The following IL1RAPL1 variants were observed in gnomAD, a reference collection of about 807,000 sequenced individuals.
IL1RAPL1 encodes interleukin-1 receptor accessory protein-like 1.
In IL1RAPL1, 3 loss-of-function variants were observed where a neutral mutation model predicts 48.4. The ratio of observed to expected loss-of-function variants is 0.06; its 90% CI spans 0.03 to 0.16. The LOEUF is 0.16. Among genes scored for constraint, IL1RAPL1 ranks in the 10% least tolerant of loss-of-function variants. The pLI is 1.00. For synonymous variants in IL1RAPL1, 185 were observed against 187.7 expected (o/e 0.99, Z 0.12); for missense variants, 349 against 530.6 (o/e 0.66, Z 3.36).
chrX:29,590,487 C>T (rs1449043895), intron 5 of IL1RAPL1, among the ~76,000 whole-genome samples: 1 of 111,917 alleles, frequency 8.9e-6, no homozygotes, highest in Non-Finnish European at 1.9e-5. Context: ...TCCTTGCACA[C>T]GTGGAAGGGA....
intron 2 of IL1RAPL1, among the ~76,000 whole-genome samples, chrX:29,088,283 C>T (rs1007297117): frequency 1.1e-4 from 12 of 112,021 alleles, no homozygotes; most frequent in African/African-American, 3.9e-4. Flanking sequence ...GTTCCATCTT[C>T]TCTTTGCTTT....
chrX:29,605,390 C>G (rs186539738), intron 5 of IL1RAPL1, among the ~76,000 whole-genome samples: 63 of 110,978 alleles, frequency 5.7e-4, no homozygotes, highest in Non-Finnish European at 5.1e-4. Context: ...CATAACTTAC[C>G]AATACATGGA....
chrX:29,834,612 A>G (rs969602051), intron 6 of IL1RAPL1, among the ~76,000 whole-genome samples: 6 of 106,937 alleles, frequency 5.6e-5, no homozygotes, highest in Non-Finnish European at 1.2e-4. Flanking sequence ...GTGCCCTCAT[A>G]TAATGTACTT....
chrX:28,669,503 C>T (rs776541806), intron 1 of IL1RAPL1, among the ~76,000 whole-genome samples: 42 of 108,089 alleles, frequency 3.9e-4, no homozygotes, highest in African/African-American at 1.3e-3. Flanking sequence ...CCTGTAATCC[C>T]GGCTACTCAG....
chrX:28,691,570 A>T (rs938472634), intron 1 of IL1RAPL1, among the ~76,000 whole-genome samples: 2 of 112,134 alleles, frequency 1.8e-5, no homozygotes, highest in Admixed American at 1.9e-4. Flanking sequence ...TGATTTTGCT[A>T]ACCATTATAT....
At chrX:29,457,154 A>G (rs1934748543) in intron 5 of IL1RAPL1, among the ~76,000 whole-genome samples, 1 of 106,328 alleles carries the variant, frequency 9.4e-6, no homozygotes, top group Admixed American at 1.0e-4. Flanking sequence ...AAAATGAAAT[A>G]GTAATGTATA....
chrX:29,939,376 C>A (rs912776522), intron 8 of IL1RAPL1, among the ~76,000 whole-genome samples: 1 of 111,896 alleles, frequency 8.9e-6, no homozygotes, highest in Admixed American at 9.5e-5. Flanking sequence ...TAAATCATAT[C>A]TTCCTGATGT....
intron 3 of IL1RAPL1, among the ~76,000 whole-genome samples, chrX:29,299,051 AG>A (rs1261964184): frequency 9.2e-6 from 1 of 109,153 alleles, no homozygotes; most frequent in Non-Finnish European, 1.9e-5. Flanking sequence ...TAGAATATAA[AG>A]CAGGCAGAAA....
intron 3 of IL1RAPL1, among the ~76,000 whole-genome samples, chrX:29,337,778 G>T (rs1933016526): frequency 9.0e-6 from 1 of 110,902 alleles, no homozygotes; most frequent in Non-Finnish European, 1.9e-5. Flanking sequence ...GGGTTTAAGT[G>T]ATTCTCCTGC....
chrX:29,243,849 T>C (rs1052805776), intron 2 of IL1RAPL1, among the ~76,000 whole-genome samples: 2 of 111,555 alleles, frequency 1.8e-5, no homozygotes, highest in Non-Finnish European at 3.8e-5. Context: ...CAGCTCTTTA[T>C]GCCTTTTGAG....
At chrX:29,510,688 C>G (rs1935384394) in intron 5 of IL1RAPL1, among the ~76,000 whole-genome samples, 1 of 111,694 alleles carries the variant, frequency 9.0e-6, no homozygotes, top group Non-Finnish European at 1.9e-5. Context: ...TCTATCTCTT[C>G]TAGATCACAA....
intron 6 of IL1RAPL1, among the ~76,000 whole-genome samples, chrX:29,803,382 CATGTATACACATATGTATATATGTGTAT>C (rs1458544572): frequency 4.0e-4 from 31 of 76,973 alleles, no homozygotes; most frequent in African/African-American, 1.3e-3. Context: ...TATATGTATA[CATGTATACACATATGTATATATGTGTAT>C]ATGTGTATAT....
chrX:29,949,410 G>A (rs189222670), intron 9 of IL1RAPL1, among the ~76,000 whole-genome samples: 1 of 111,667 alleles, frequency 9.0e-6, no homozygotes, highest in Admixed American at 9.5e-5. Flanking sequence ...CTTGTTTTTT[G>A]TTTGTTTGGT....
At chrX:29,406,861 C>G (rs1317378597) in intron 5 of IL1RAPL1, among the ~76,000 whole-genome samples, 1 of 111,906 alleles carries the variant, frequency 8.9e-6, no homozygotes, top group African/African-American at 3.2e-5. Context: ...CTGTCTTACA[C>G]TATAATAACT....
At chrX:28,981,252 C>G (rs1925333949) in intron 2 of IL1RAPL1, among the ~76,000 whole-genome samples, 1 of 108,542 alleles carries the variant, frequency 9.2e-6, no homozygotes, top group Non-Finnish European at 1.9e-5. Context: ...CATGCCATGT[C>G]CCTCAAAGGA....
intron 2 of IL1RAPL1, among the ~76,000 whole-genome samples, chrX:29,112,575 C>G (rs1188536980): frequency 9.2e-6 from 1 of 108,855 alleles, no homozygotes; most frequent in East Asian, 2.9e-4. Flanking sequence ...TCCTGTATCA[C>G]ATGTATTAGA....
intron 1 of IL1RAPL1, among the ~76,000 whole-genome samples, chrX:28,640,494 C>T (rs1283342446): frequency 9.2e-6 from 1 of 109,115 alleles, no homozygotes; most frequent in East Asian, 2.9e-4. Context: ...GACAGGTGTG[C>T]ACCACCACAC....
At chrX:29,374,920 A>G (rs1160692801) in intron 3 of IL1RAPL1, among the ~76,000 whole-genome samples, 1 of 110,250 alleles carries the variant, frequency 9.1e-6, no homozygotes, top group African/African-American at 3.3e-5. Context: ...TTCTAGGAAA[A>G]AACTCTCCTA....
At chrX:28,631,835 C>T (rs1601840581) in intron 1 of IL1RAPL1, among the ~76,000 whole-genome samples, 1 of 112,075 alleles carries the variant, frequency 8.9e-6, no homozygotes, top group South Asian at 3.7e-4. Context: ...CTTTGTTTAA[C>T]GTTAAGTGGA....
Sources: gnomAD v4.1 joint callset for allele counts (sites outside exome capture counted in the v4.1 genomes callset) on GRCh38, gnomAD v4.1.1 for gene constraint, MANE v1.5 for transcripts, NCBI Gene and HGNC (gene_info 2026-07-23, HGNC 2026-07-21) for gene names.